SYT9: variants seen among roughly 807,000 people sequenced by gnomAD.
The protein encoded by SYT9 is synaptotagmin 9, also known as synaptotagmin-9.
A neutral mutation model predicts 48.4 loss-of-function variants in SYT9; 22 were observed. The observed-to-expected ratio is 0.45, with a 90% CI of 0.32 to 0.65. The LOEUF (loss-of-function observed/expected upper bound fraction) is 0.65. Ranked by LOEUF, SYT9 falls within the 30% of genes least tolerant of loss-of-function variation. The pLI, the probability that SYT9 is intolerant of heterozygous loss-of-function variation, is 0.03. For synonymous variants in SYT9, 265 were observed against 245.0 expected (o/e 1.08, Z -0.76); for missense variants, 577 against 622.0 (o/e 0.93, Z 0.77).
intron 3 of SYT9, among the ~76,000 whole-genome samples, chr11:7,377,553 A>AT (rs1047401740): frequency 1.3e-4 from 19 of 151,050 alleles, no homozygotes; most frequent in Non-Finnish European, 2.1e-4. Context: ...CTCTTTCTTT[A>AT]TTTTTTTTTC....
At chr11:7,326,581 A>G (rs970960241) in intron 3 of SYT9, among the ~76,000 whole-genome samples, 1 of 151,382 alleles carries the variant, frequency 6.6e-6, no homozygotes, top group African/African-American at 2.4e-5. Context: ...TTTAAAGTTC[A>G]TATGGAACCA....
chr11:7,351,244 G>T (rs1849909247), intron 3 of SYT9, among the ~76,000 whole-genome samples: 1 of 152,204 alleles, frequency 6.6e-6, no homozygotes, highest in Non-Finnish European at 1.5e-5. Context: ...TATATAAGAA[G>T]AGTATTATCT....
At chr11:7,359,876 T>C (rs181216153) in intron 3 of SYT9, among the ~76,000 whole-genome samples, 2,760 of 152,176 alleles carry the variant, frequency 0.018, 91 homozygotes, top group African/African-American at 0.064. Context: ...TTTGTCAATT[T>C]TGGCTTTTGT....
intron 3 of SYT9, among the ~76,000 whole-genome samples, chr11:7,328,111 A>AAT (rs1849467923): frequency 1.3e-5 from 2 of 149,486 alleles, no homozygotes; most frequent in African/African-American, 4.9e-5. Flanking sequence ...TTTAAAAAAA[A>AAT]TTTTTCTTTT....
intron 3 of SYT9, among the ~76,000 whole-genome samples, chr11:7,366,400 T>C (rs1056285447): frequency 6.6e-6 from 1 of 152,218 alleles, no homozygotes; most frequent in Non-Finnish European, 1.5e-5. Flanking sequence ...TCGATAAACC[T>C]GAGGTCACTC....
At chr11:7,397,621 C>T (rs1846781563) in intron 3 of SYT9, among the ~76,000 whole-genome samples, 1 of 152,058 alleles carries the variant, frequency 6.6e-6, no homozygotes, top group South Asian at 2.1e-4. Flanking sequence ...GAATTGATAT[C>T]TTAGCTATGT....
intron 1 of SYT9, among the ~76,000 whole-genome samples, chr11:7,290,291 T>C (rs1032915796): frequency 4.6e-5 from 7 of 152,184 alleles, no homozygotes; most frequent in African/African-American, 1.7e-4. Flanking sequence ...TTTGGAACTA[T>C]CATCAGGCAC....
At chr11:7,416,485 T>C (rs1847251997) in intron 4 of SYT9, among the ~76,000 whole-genome samples, 1 of 152,222 alleles carries the variant, frequency 6.6e-6, no homozygotes, top group Non-Finnish European at 1.5e-5. Flanking sequence ...CATTTAGCCT[T>C]CTATATCCAC....
chr11:7,280,554 A>C lies in SYT9; in HGVS notation c.146-22485A>C, dbSNP rs150308538. ...CAGCACTATCGTAAGACTTTCATAA[A>C]ACGTCACTTTCAGAAGACCTTAACA... On this transcript the variant is annotated intron_variant, in intron 1 of 6. Transcript: ENST00000318881. Among the ~76,000 whole-genome samples the C allele has an allele frequency of 2.1e-3, 327 of 152,346 alleles. 1 individual carries two copies. Among genetic ancestry groups the C allele is most frequent in the East Asian group, 1.3e-3 (7 of 5,188 alleles).
intron 1 of SYT9, among the ~76,000 whole-genome samples, chr11:7,241,248 A>ACCCC (rs5789505): frequency 6.8e-6 from 1 of 147,282 alleles, no homozygotes; most frequent in African/African-American, 2.5e-5. Context: ...GCACACACTC[A>ACCCC]CCCCCCCCAC....
chr11:7,451,271 T>C (rs576496418), intron 6 of SYT9, among the ~76,000 whole-genome samples: 47 of 152,340 alleles, frequency 3.1e-4, no homozygotes, highest in African/African-American at 1.1e-3. Context: ...TGAAAGCTAA[T>C]GGAATACTCT....
chr11:7,390,930 AG>A (rs1414538246), intron 3 of SYT9, among the ~76,000 whole-genome samples: 2 of 152,142 alleles, frequency 1.3e-5, no homozygotes, highest in African/African-American at 4.8e-5. Context: ...TCATGGAGAT[AG>A]TGCACATAGT....
At chr11:7,285,254 C>G (rs1384928673) in intron 1 of SYT9, among the ~76,000 whole-genome samples, 1 of 152,142 alleles carries the variant, frequency 6.6e-6, no homozygotes, top group African/African-American at 2.4e-5. Context: ...ACTCACAGTT[C>G]CACAGGGCTG....
chr11:7,296,874 C>T (rs993789510), intron 1 of SYT9, among the ~76,000 whole-genome samples: 15 of 152,164 alleles, frequency 9.9e-5, no homozygotes, highest in Non-Finnish European at 2.1e-4. Flanking sequence ...TCAGAGCTGT[C>T]TGGTCCCACC....
At chr11:7,267,061 A>G (rs1339341568) in intron 1 of SYT9, among the ~76,000 whole-genome samples, 2 of 152,244 alleles carry the variant, frequency 1.3e-5, no homozygotes, top group African/African-American at 2.4e-5. Flanking sequence ...TACAATATAT[A>G]TCATTAAGTG....
chr11:7,362,964 T>A (rs1850173389), intron 3 of SYT9, among the ~76,000 whole-genome samples: 1 of 138,958 alleles, frequency 7.2e-6, no homozygotes, highest in East Asian at 2.1e-4. Flanking sequence ...TTTTTTTTTT[T>A]TTTTTTTTTT....
intron 6 of SYT9, among the ~76,000 whole-genome samples, chr11:7,431,692 CT>C (rs1309629985): frequency 6.6e-6 from 1 of 152,244 alleles, no homozygotes; most frequent in Non-Finnish European, 1.5e-5. Flanking sequence ...CAGGACACTG[CT>C]CCCCACATCC....
intron 3 of SYT9, among the ~76,000 whole-genome samples, chr11:7,369,082 A>T (rs1787576564): frequency 6.6e-6 from 1 of 152,212 alleles, no homozygotes; most frequent in African/African-American, 2.4e-5. Context: ...TGGTTGAACT[A>T]ATTTACACTC....
chr11:7,408,375 G>A (rs1380688349), intron 3 of SYT9, among the ~76,000 whole-genome samples: 1 of 152,144 alleles, frequency 6.6e-6, no homozygotes, highest in Non-Finnish European at 1.5e-5. Context: ...TGATCCACTC[G>A]CCTCAGCCTC....
Sources: allele counts gnomAD v4.1 joint callset (sites outside exome capture counted in the v4.1 genomes callset), GRCh38; gene constraint gnomAD v4.1.1; transcripts MANE v1.5; gene names NCBI Gene and HGNC (gene_info 2026-07-23, HGNC 2026-07-21).